Variants in PDE4D observed in about 807,000 individuals in gnomAD.
PDE4D encodes the protein 3',5'-cyclic-AMP phosphodiesterase 4D.
PDE4D carries 24 observed loss-of-function variants against 87.4 expected under a neutral mutation model. The ratio of observed to expected loss-of-function variants is 0.27; its 90% CI spans 0.20 to 0.39. PDE4D has a LOEUF of 0.39. Among genes scored for constraint, PDE4D ranks in the 10% least tolerant of loss-of-function variants. PDE4D has a pLI of 1.00. For synonymous variants in PDE4D, 384 were observed against 383.2 expected, an observed-to-expected ratio of 1.00 and a Z score of -0.02; for missense variants, 714 against 1,041.0, an observed-to-expected ratio of 0.69 and a Z score of 4.32.
intron 1 of PDE4D, among the ~76,000 whole-genome samples, chr5:60,357,448 C>T (rs188059454): frequency 5.6e-4 from 85 of 152,288 alleles, no homozygotes; most frequent in Middle Eastern, 3.4e-3. Flanking sequence ...GCCATGCCTT[C>T]TTTCAATTCA....
intron 1 of PDE4D, among the ~76,000 whole-genome samples, chr5:59,675,698 GC>G (rs1258700791): frequency 6.6e-6 from 1 of 151,842 alleles, no homozygotes; most frequent in Non-Finnish European, 1.5e-5. Flanking sequence ...AAAAACGTAG[GC>G]TTTTTTGAAA....
chr5:59,905,468 T>C (rs1752713272), intron 3 of PDE4D, among the ~76,000 whole-genome samples: 1 of 152,108 alleles, frequency 6.6e-6, no homozygotes, highest in African/African-American at 2.4e-5. Flanking sequence ...TTAAATATTA[T>C]TCATTCTTAA....
At chr5:60,509,625 C>T (rs755436875) in intron 1 of PDE4D, among the ~76,000 whole-genome samples, 1 of 152,132 alleles carries the variant, frequency 6.6e-6, no homozygotes, top group Non-Finnish European at 1.5e-5. Context: ...CCTTCATCCA[C>T]CTTTGACTTC....
intron 1 of PDE4D, among the ~76,000 whole-genome samples, chr5:59,730,040 G>A (rs574801957): frequency 3.3e-5 from 5 of 152,164 alleles, no homozygotes; most frequent in African/African-American, 1.2e-4. Context: ...GACAGGTAAA[G>A]GCACTCAACA....
At chr5:59,264,829 C>T (rs1207432194) in intron 1 of PDE4D, among the ~76,000 whole-genome samples, 2 of 152,026 alleles carry the variant, frequency 1.3e-5, no homozygotes, top group Non-Finnish European at 2.9e-5. Context: ...GCCCCTGTGG[C>T]TGTTCAGCTC....
At chr5:59,933,826 G>T (rs996180782) in intron 3 of PDE4D, among the ~76,000 whole-genome samples, 1 of 149,584 alleles carries the variant, frequency 6.7e-6, no homozygotes, top group South Asian at 2.1e-4. Context: ...ATAATTTTGC[G>T]CATTTTATGG....
At chr5:60,521,617 G>C (rs1358216186) in intron 1 of PDE4D, 1 of 152,102 alleles carries the variant, frequency 6.6e-6, no homozygotes, top group Non-Finnish European at 1.5e-5. Flanking sequence ...ACAGGGTGCT[G>C]TGAAGGAAGC....
chr5:59,170,465 G>T (rs1782583263), intron 5 of PDE4D, among the ~76,000 whole-genome samples: 1 of 152,082 alleles, frequency 6.6e-6, no homozygotes. Context: ...TTGAAATATT[G>T]TTAGGGCGGG....
intron 1 of PDE4D, among the ~76,000 whole-genome samples, chr5:59,522,550 T>A (rs1487079230): frequency 6.6e-6 from 1 of 152,238 alleles, no homozygotes; most frequent in East Asian, 1.9e-4. Flanking sequence ...CCAGAGTAAC[T>A]ATTAATGTAC....
intron 1 of PDE4D, among the ~76,000 whole-genome samples, chr5:59,292,699 G>C (rs1168126129): frequency 6.6e-6 from 1 of 152,010 alleles, no homozygotes; most frequent in South Asian, 2.1e-4. Flanking sequence ...TTAAATGTTA[G>C]TCCTCATTTT....
intron 1 of PDE4D, among the ~76,000 whole-genome samples, chr5:59,282,937 T>C (rs1057375647): frequency 1.3e-5 from 2 of 152,182 alleles, no homozygotes; most frequent in Admixed American, 1.3e-4. Context: ...GAAAAACGCC[T>C]ACTATTTAGG....
At position 59,096,238 on chromosome 5, in the gene PDE4D, C is replaced by A. The variant is rs1769689398; in HGVS notation, c.809-57267G>T. 2.0e-5 allele frequency among the ~76,000 whole-genome samples: 3 copies of A among 152,072 alleles called. No individual in the cohort carries two copies. In the South Asian group the frequency reaches 6.2e-4, roughly 32 times the overall value. On this transcript the variant is annotated intron_variant, in intron 5 of 14. Coordinates refer to ENST00000340635, the MANE Select transcript of PDE4D (RefSeq NM_001104631.2). ...TGGGATTTGTTTTTAGCACTGCTCC[C>A]CTTTCCCTTAACAGTCCCCTTGAGC...
At chr5:58,997,835 T>TA (rs1201766060) in intron 6 of PDE4D, among the ~76,000 whole-genome samples, 4 of 152,132 alleles carry the variant, frequency 2.6e-5, no homozygotes, top group African/African-American at 9.6e-5. Flanking sequence ...CAATTTACAT[T>TA]AGGCATTTAA....
At chr5:59,076,215 A>G (rs1458244220) in intron 5 of PDE4D, among the ~76,000 whole-genome samples, 4 of 152,154 alleles carry the variant, frequency 2.6e-5, no homozygotes, top group African/African-American at 9.6e-5. Context: ...TGATATTTAC[A>G]AAGAGGAAAA....
At chr5:60,000,470 T>C (rs1763921238) in intron 2 of PDE4D, among the ~76,000 whole-genome samples, 1 of 152,148 alleles carries the variant, frequency 6.6e-6, no homozygotes, top group Non-Finnish European at 1.5e-5. Context: ...CCAAGCATAC[T>C]CTTTCTGGCA....
chr5:60,116,689 A>G (rs10223301), intron 2 of PDE4D, among the ~76,000 whole-genome samples: 24,279 of 151,990 alleles, frequency 0.16, 2,532 homozygotes, highest in Middle Eastern at 0.28. Flanking sequence ...AAAATCAAAG[A>G]TCTTAAAGAC....
chr5:59,302,183 T>A (rs916226484), intron 1 of PDE4D, among the ~76,000 whole-genome samples: 1 of 152,128 alleles, frequency 6.6e-6, no homozygotes, highest in African/African-American at 2.4e-5. Context: ...TTACTGCGCA[T>A]GCAAGGATTA....
At chr5:59,086,562 AAT>A (rs1430377788) in intron 5 of PDE4D, among the ~76,000 whole-genome samples, 1 of 151,998 alleles carries the variant, frequency 6.6e-6, no homozygotes, top group African/African-American at 2.4e-5. Flanking sequence ...CCAAAACTAC[AAT>A]ACCTACCTAC....
intron 2 of PDE4D, among the ~76,000 whole-genome samples, chr5:60,081,044 C>G (rs891006674): frequency 2.6e-5 from 4 of 152,102 alleles, no homozygotes; most frequent in African/African-American, 9.7e-5. Context: ...TTAATTACTG[C>G]CTCCATTTTA....
Sources: gnomAD v4.1 joint callset for allele counts (sites outside exome capture counted in the v4.1 genomes callset) on GRCh38, gnomAD v4.1.1 for gene constraint, MANE v1.5 for transcripts, NCBI Gene and HGNC (gene_info 2026-07-23, HGNC 2026-07-21) for gene names.